VAC14: variants seen among roughly 807,000 people sequenced by gnomAD.
VAC14 encodes VAC14 component of PIKFYVE complex.
Under a neutral mutation model 85.3 loss-of-function variants are expected in VAC14, and 47 were observed. The ratio of observed to expected loss-of-function variants is 0.55; its 90% CI spans 0.44 to 0.70. The LOEUF (loss-of-function observed/expected upper bound fraction) is 0.70. Among genes scored for constraint, VAC14 ranks in the 30% least tolerant of loss-of-function variants. The pLI is 0.00. For synonymous variants in VAC14, 447 were observed against 430.5 expected (o/e 1.04, Z -0.47); for missense variants, 861 against 1,004.3 (o/e 0.86, Z 1.93).
chr16:70,709,362 A>G (rs1353409678), intron 14 of VAC14, among the ~76,000 whole-genome samples: 3 of 151,810 alleles, frequency 2.0e-5, no homozygotes, highest in African/African-American at 4.8e-5. Flanking sequence ...GGACCTCCTG[A>G]GCTGCAGAGA....
Position 70,695,663 on chromosome 16 carries a change from C to T in VAC14, c.1956-40G>A, listed in dbSNP as rs1342949391. 3 of 1,597,400 alleles carry T rather than the reference C, an allele frequency of 1.9e-6. No homozygotes were observed. In the Admixed American group the frequency reaches 5.0e-5, roughly 27 times the overall value. Reference sequence around the variant, plus strand: ...AAGGAAAGTCTGTCTGCTGGGCCAGCACAGCCGCAGCTCACAGCACCACAC... The same window carrying T: ...AAGGAAAGTCTGTCTGCTGGGCCAGTACAGCCGCAGCTCACAGCACCACAC... On this transcript the variant is annotated intron_variant, in intron 16 of 18. Coordinates refer to ENST00000261776, the MANE Select transcript of VAC14 (RefSeq NM_018052.5).
intron 14 of VAC14, among the ~76,000 whole-genome samples, chr16:70,717,338 T>A (rs1176024808): frequency 6.6e-6 from 1 of 152,228 alleles, no homozygotes. Flanking sequence ...GAGCCAGCTG[T>A]GGCGGGGGAG....
At chr16:70,689,329 G>C (rs957746487) in intron 18 of VAC14, 1 of 985,354 alleles carries the variant, frequency 1.0e-6, no homozygotes, top group African/African-American at 1.7e-5. Context: ...CCAACGTGAG[G>C]CCAGCCGGGG....
chr16:70,736,074 C>G (rs1318320985), intron 13 of VAC14, among the ~76,000 whole-genome samples: 1 of 152,192 alleles, frequency 6.6e-6, no homozygotes, highest in Non-Finnish European at 1.5e-5. Context: ...CTGGAGGCAC[C>G]CTGTTCACTG....
chr16:70,691,407 G>C (rs78557852), intron 18 of VAC14: 32 of 985,334 alleles, frequency 3.2e-5, no homozygotes, highest in Admixed American at 6.1e-5. Context: ...AACACTATGG[G>C]GCGTTGAAGG....
intron 4 of VAC14, 61 bp from the exon 5 acceptor site, chr16:70,784,281 G>A (rs1158887990): frequency 2.1e-6 from 3 of 1,420,298 alleles, no homozygotes; most frequent in African/African-American, 2.8e-5. Context: ...TGACCTCGCT[G>A]AATCACTTGC....
chr16:70,731,390 A>G, intron 14 of VAC14, 105 bp downstream of exon 14: 1 of 1,522,190 alleles, frequency 6.6e-7, no homozygotes, highest in Non-Finnish European at 8.8e-7. Flanking sequence ...GAAAAGGAGG[A>G]GAGAGAAGGG....
In VAC14 at chr16:70,688,514, G is replaced by T. The variant is rs933429992; in HGVS notation, c.2187-424C>A. 1.6e-5 allele frequency: 16 copies of T among 987,476 alleles called. No homozygotes were observed. The African/African-American group carries it at 2.1e-4, about 13-fold the overall frequency. The allele number at this position is 987,476 out of a possible 1,614,324, so 61.2% of individuals were successfully genotyped here. On this transcript the variant is annotated intron_variant, in intron 18 of 18. Coordinates refer to ENST00000261776, the MANE Select transcript of VAC14 (RefSeq NM_018052.5). ...GCCCTTTCTCTGAGAGGCAGGGCTA[G>T]GACTGGGGAAAATGGGAATTGCTGA...
At chr16:70,688,357 A>C in intron 18 of VAC14, 1 of 1,133,040 alleles carries the variant, frequency 8.8e-7, no homozygotes, top group Non-Finnish European at 1.1e-6. Flanking sequence ...CGCCCAGAGC[A>C]GGCATCGCAT....
chr16:70,726,732 A>G (rs1292446200), intron 14 of VAC14, among the ~76,000 whole-genome samples: 3 of 152,100 alleles, frequency 2.0e-5, no homozygotes, highest in Middle Eastern at 3.2e-3. Context: ...TCTTCGCTCT[A>G]TCTGTGAGCT....
chr16:70,719,059 C>T (rs1165773194), intron 14 of VAC14, among the ~76,000 whole-genome samples: 1 of 152,204 alleles, frequency 6.6e-6, no homozygotes. Context: ...CTCCAGGCTG[C>T]AGACCACCGC....
At chr16:70,743,930 G>A (rs746232405) in intron 13 of VAC14, among the ~76,000 whole-genome samples, 5 of 152,072 alleles carry the variant, frequency 3.3e-5, no homozygotes, top group African/African-American at 7.2e-5. Flanking sequence ...GGGGTGCTAC[G>A]GCCACCTTTA....
In VAC14 at chr16:70,784,264, G is replaced by C. The variant is rs2033948686; in HGVS notation, c.487-44C>G. 19 of 1,560,956 alleles carry C rather than the reference G, an allele frequency of 1.2e-5. No individual in the cohort carries two copies. In the East Asian group the frequency reaches 4.3e-4, roughly 35 times the overall value. ...TGAGCTGCCGAGAGCCCGAGACCAG[G>C]GCTGCCTGACCTCGCTGAATCACTT... On this transcript the variant is annotated intron_variant, in intron 4 of 18. Transcript: ENST00000261776.
Position 70,762,200 on chromosome 16 carries a change from T to G in VAC14, c.1371+340A>C, listed in dbSNP as rs967743191. Among the ~76,000 whole-genome samples, 9 of 152,070 alleles carry G rather than the reference T, an allele frequency of 5.9e-5. No homozygotes were observed. Among genetic ancestry groups the G allele is most frequent in the African/African-American group, 2.2e-4 (9 of 41,418 alleles). ...TCTGCTCACTGCAACCTCTGCCTCC[T>G]GGGTTCAAGCAATTCTCCCACCTCA... On this transcript the variant is annotated intron_variant, in intron 12 of 18. Transcript: ENST00000261776. This position sits in a 1 kb window ranked among gnomAD's most constrained non-coding sequence, Gnocchi z 4.1.
intron 3 of VAC14, 128 bp downstream of exon 3, chr16:70,785,574 G>C: frequency 9.1e-7 from 1 of 1,098,484 alleles, no homozygotes; most frequent in Non-Finnish European, 1.3e-6. Flanking sequence ...CAGACAGTAA[G>C]TGTCCCTTGC....
intron 18 of VAC14, among the ~76,000 whole-genome samples, chr16:70,692,519 T>C (rs1268417637): frequency 2.6e-5 from 4 of 152,176 alleles, no homozygotes; most frequent in Non-Finnish European, 5.9e-5. Context: ...TAACTCCAGA[T>C]GCCCTCAGAG....
chr16:70,772,472 C>G (rs907225397), intron 9 of VAC14: 3 of 329,848 alleles, frequency 9.1e-6, no homozygotes, highest in African/African-American at 2.1e-5. Context: ...TTTAAAATGA[C>G]AGATAATACC....
intron 14 of VAC14, among the ~76,000 whole-genome samples, chr16:70,726,147 C>T (rs1488249911): frequency 2.0e-5 from 3 of 152,270 alleles, no homozygotes; most frequent in East Asian, 1.9e-4. Flanking sequence ...TTTCTCCCTC[C>T]TCTCCTTTCT....
At chr16:70,795,544 A>ACTCTGGC (rs1160827255) in intron 1 of VAC14, among the ~76,000 whole-genome samples, 1 of 149,702 alleles carries the variant, frequency 6.7e-6, no homozygotes, top group Non-Finnish European at 1.5e-5. Flanking sequence ...GCGATACATG[A>ACTCTGGC]CTCTGGCACC....
Sources: gnomAD v4.1 joint callset for allele counts (sites outside exome capture counted in the v4.1 genomes callset) on GRCh38, gnomAD v4.1.1 for gene constraint, Gnocchi (gnomAD v3.1) non-coding constraint, MANE v1.5 for transcripts, NCBI Gene and HGNC (gene_info 2026-07-23, HGNC 2026-07-21) for gene names.